Variants in ARRDC3 observed in about 807,000 individuals in gnomAD.
The protein encoded by ARRDC3 is arrestin domain-containing protein 3.
ARRDC3 carries 10 observed loss-of-function variants against 47.2 expected under a neutral mutation model. That is an observed-to-expected ratio of 0.21 (90% confidence interval 0.13 to 0.36). The LOEUF is 0.36. Ranked by LOEUF, ARRDC3 falls within the 10% of genes least tolerant of loss-of-function variation. The pLI, the probability that ARRDC3 is intolerant of heterozygous loss-of-function variation, is 1.00. For synonymous variants in ARRDC3, 156 were observed against 178.3 expected (o/e 0.87, Z 1.00); for missense variants, 381 against 503.6 (o/e 0.76, Z 2.33).
intron 7 of ARRDC3, among the ~76,000 whole-genome samples, chr5:91,372,224 C>T (rs1181761133): frequency 6.6e-6 from 1 of 152,146 alleles, no homozygotes; most frequent in African/African-American, 2.4e-5. Context: ...GGACGAGACC[C>T]CATCCACTTG....
In ARRDC3 at chr5:91,378,403, T is replaced by G. The variant is rs563098756; in HGVS notation, c.362+291A>C. Among the ~76,000 whole-genome samples, 24 of 152,258 alleles carry G rather than the reference T, an allele frequency of 1.6e-4. No homozygotes were observed. In the South Asian group the frequency reaches 5.0e-3, roughly 32 times the overall value. ...TAAACTAAGTATAAAGTGGTTATTA[T>G]TCGACTAGCAACTTCCAATTCACTC... On this transcript the variant is annotated intron_variant, in intron 2 of 7. Coordinates refer to ENST00000265138, the MANE Select transcript of ARRDC3 (RefSeq NM_020801.4).
At chr5:91,378,673 C>T in intron 2 of ARRDC3, 21 bp downstream of exon 2, 1 of 1,327,520 alleles carries the variant, frequency 7.5e-7, no homozygotes, top group Non-Finnish European at 1.1e-6. Flanking sequence ...TATAAAAATG[C>T]CTATTATTTA....
chr5:91,375,290 C>A, intron 4 of ARRDC3, 112 bp from the exon 5 acceptor site: 2 of 1,191,632 alleles, frequency 1.7e-6, no homozygotes, highest in Non-Finnish European at 2.3e-6. Context: ...AAAAGATGTC[C>A]CAGGAACTGC....
At chr5:91,381,805 C>T (rs1334585204) in intron 1 of ARRDC3, among the ~76,000 whole-genome samples, 2 of 152,112 alleles carry the variant, frequency 1.3e-5, no homozygotes, top group African/African-American at 4.8e-5. Flanking sequence ...TAAGTCATCG[C>T]CACCACCTGA....
chr5:91,382,390 A>G (rs1799474710), intron 1 of ARRDC3, among the ~76,000 whole-genome samples: 1 of 152,266 alleles, frequency 6.6e-6, no homozygotes, highest in Non-Finnish European at 1.5e-5. Context: ...AAGTCTCTTA[A>G]AAATGTTATT....
At chr5:91,373,922 C>T (rs771985703) in intron 6 of ARRDC3, 84 bp from the exon 7 acceptor site, 191 of 1,550,938 alleles carry the variant, frequency 1.2e-4, no homozygotes, top group Non-Finnish European at 1.6e-4. Flanking sequence ...TAAAAAGCAA[C>T]GTCAAGGTAA....
At chr5:91,374,878 A>G in intron 5 of ARRDC3, 44 bp downstream of exon 5, 2 of 1,593,298 alleles carry the variant, frequency 1.3e-6, no homozygotes, top group Non-Finnish European at 1.7e-6. Flanking sequence ...AGGTGTTTCA[A>G]AAAAGAAAAA....
intron 1 of ARRDC3, 144 bp from the exon 2 acceptor site, chr5:91,378,919 T>A (rs1024794473): frequency 8.2e-6 from 4 of 488,168 alleles, no homozygotes; most frequent in African/African-American, 8.1e-5. Flanking sequence ...GTTCTAATTC[T>A]AACTTCATCA....
chr5:91,373,611 A>C, intron 7 of ARRDC3, 73 bp downstream of exon 7: 2 of 1,420,806 alleles, frequency 1.4e-6, no homozygotes, highest in Non-Finnish European at 1.9e-6. Flanking sequence ...AATAACATTA[A>C]GAAAAAAAAA....
intron 2 of ARRDC3, 103 bp downstream of exon 2, chr5:91,378,591 G>GTTT: frequency 1.5e-6 from 1 of 685,968 alleles, no homozygotes; most frequent in African/African-American, 1.9e-5. Context: ...AATGAAAAGG[G>GTTT]TTTTTTTTTC....
chr5:91,376,055 C>A (rs752738877), intron 3 of ARRDC3, among the ~76,000 whole-genome samples: 3 of 151,942 alleles, frequency 2.0e-5, no homozygotes, highest in Non-Finnish European at 4.4e-5. Flanking sequence ...AGGAAAATGC[C>A]CATTTCTTAT....
At chr5:91,381,775 ATTC>A (rs1799462667) in intron 1 of ARRDC3, among the ~76,000 whole-genome samples, 1 of 152,216 alleles carries the variant, frequency 6.6e-6, no homozygotes, top group African/African-American at 2.4e-5. Context: ...TTAACATTAT[ATTC>A]TTCTTGGGCT....
At position 91,375,471 on chromosome 5, in the gene ARRDC3, G is replaced by C. The variant is rs749761531; in HGVS notation, c.613+40C>G. ...TTATAAATTTAAACACAAAAGCTAAGTGAAGAAAAGTTTTTTGTGGGAATC... is the reference window on the plus strand; with the variant it reads ...TTATAAATTTAAACACAAAAGCTAACTGAAGAAAAGTTTTTTGTGGGAATC... On this transcript the variant is annotated intron_variant, in intron 4 of 7. Transcript: ENST00000265138. 4 of 1,378,918 alleles carry C rather than the reference G, an allele frequency of 2.9e-6. No individual in the cohort carries two copies. In the South Asian group the frequency reaches 5.1e-5, roughly 18 times the overall value. 85.4% of individuals were successfully genotyped at this position (1,378,918 alleles called of 1,614,324 possible). A position where few individuals can be genotyped will look rare whatever the true frequency, so the allele number is the denominator to read the frequency against.
rs376476345 is a variant in ARRDC3 at position 91,371,348 on chromosome 5, G to A, written c.*52C>T. 1.1e-4 allele frequency: 156 copies of A among 1,485,484 alleles called. No individual in the cohort carries two copies. The highest frequency in any genetic ancestry group is 1.0e-3 in the Middle Eastern group (6 of 5,766). The allele number at this position is 1,485,484 out of a possible 1,614,324, so 92.0% of individuals were successfully genotyped here. ...CCAAGATACTTCTCTGTCCTCAGCC[G>A]GAAGAGATACAGTTCGGAACCCACA... On this transcript the variant is annotated 3_prime_UTR_variant, in exon 8 of 8. Transcript: ENST00000265138.
At chr5:91,376,829 A>C in intron 2 of ARRDC3, 61 bp from the exon 3 acceptor site, 1 of 1,456,188 alleles carries the variant, frequency 6.9e-7, no homozygotes, top group Non-Finnish European at 9.3e-7. Context: ...ATTACACAGT[A>C]GGTCAGAATA....
intron 2 of ARRDC3, among the ~76,000 whole-genome samples, chr5:91,378,139 C>T (rs917380528): frequency 2.0e-4 from 31 of 151,792 alleles, no homozygotes; most frequent in African/African-American, 7.0e-4. Flanking sequence ...TGCATGTTTC[C>T]TTTTAAGCCT....
rs1049836611 is a variant in ARRDC3, at chr5:91,383,230, A to G, written c.-138T>C. On this transcript the variant is annotated 5_prime_UTR_variant, in exon 1 of 8. Transcript: ENST00000265138. ...AGGCCGGATCAGTGATTCTCTACAA[A>G]TAGTTCATTGAGATTTCTTAAAAAG... 2.5e-6 allele frequency: 2 copies of G among 789,836 alleles called. No homozygotes were observed. Among genetic ancestry groups the G allele is most frequent in the African/African-American group, 3.5e-5 (2 of 57,090 alleles). 48.9% of individuals were successfully genotyped at this position (789,836 alleles called of 1,614,324 possible).
rs371984244 is a variant in ARRDC3, at chr5:91,373,729, T to G, written c.1143A>C (p.Ala381=). 6.2e-7 allele frequency: 1 copy of G among 1,614,098 alleles called. No individual in the cohort carries two copies. The highest frequency in any genetic ancestry group is 1.7e-5 in the Admixed American group (1 of 60,018). The change falls in exon 7 of 8, where the codon GCA becomes GCC. Residue 381 remains alanine (A), a synonymous_variant. Coordinates refer to ENST00000265138, the MANE Select transcript of ARRDC3 (RefSeq NM_020801.4). The part of the protein sequence containing the change: ...FERALQGPLF[A]YIQEFRFLPP... The stretch of plus-strand genomic sequence containing the variant: ...GCAAGAATCGAAACTCCTGGATATA[T>G]GCAAACAGTGGTCCTTGAAGGGCTC...
chr5:91,382,585 G>A (rs914130834), intron 1 of ARRDC3, among the ~76,000 whole-genome samples: 1 of 152,262 alleles, frequency 6.6e-6, no homozygotes, highest in Admixed American at 6.5e-5. Flanking sequence ...ACCGAGCCGG[G>A]TACAGAGGTA....
Sources: gnomAD v4.1 joint callset for allele counts (sites outside exome capture counted in the v4.1 genomes callset) on GRCh38, gnomAD v4.1.1 for gene constraint, MANE v1.5 for transcripts, NCBI Gene and HGNC (gene_info 2026-07-23, HGNC 2026-07-21) for gene names.